LRRC4C: variants seen among roughly 807,000 people sequenced by gnomAD.
LRRC4C encodes the protein leucine rich repeat containing 4C.
Under a neutral mutation model 33.6 loss-of-function variants are expected in LRRC4C, and 5 were observed. That is an observed-to-expected ratio of 0.15 (90% CI 0.08 to 0.31). LRRC4C has a LOEUF of 0.31. LRRC4C is among the 10% of genes least tolerant of loss of function. The probability of loss-of-function intolerance (pLI) is 1.00; values close to 1 mark genes in which losing one functional copy is unlikely to be tolerated. For synonymous variants in LRRC4C, 329 were observed against 302.0 expected, an observed-to-expected ratio of 1.09 and a Z score of -0.93; for missense variants, 560 against 796.7, an observed-to-expected ratio of 0.70 and a Z score of 3.58.
chr11:41,035,154 C>T lies in LRRC4C; in HGVS notation c.-495-101431G>A, dbSNP rs527492157. On this transcript the variant is annotated intron_variant, in intron 1 of 6. Coordinates refer to ENST00000528697, the MANE Select transcript of LRRC4C (RefSeq NM_001258419.2). ...GCAGCGAGCCGATATTGTGCCACTG[C>T]ACTCCAGCCTGGGCGACAGAATGAG... Among the ~76,000 whole-genome samples, 6 of 151,238 alleles carry T rather than the reference C, an allele frequency of 4.0e-5. No homozygotes were observed. The South Asian group carries it at 1.0e-3, about 26-fold the overall frequency.
chr11:40,741,892 A>T (rs1473339756), intron 2 of LRRC4C, among the ~76,000 whole-genome samples: 3 of 152,094 alleles, frequency 2.0e-5, no homozygotes, highest in Non-Finnish European at 2.9e-5. Context: ...CATGATAGCC[A>T]AAGATAGAAT....
intron 2 of LRRC4C, among the ~76,000 whole-genome samples, chr11:40,872,567 A>G (rs1359138938): frequency 6.6e-6 from 1 of 152,032 alleles, no homozygotes; most frequent in Non-Finnish European, 1.5e-5. Flanking sequence ...AAAGACCACT[A>G]CTTTGATATT....
At chr11:41,097,655 C>A (rs971251775) in intron 1 of LRRC4C, among the ~76,000 whole-genome samples, 1 of 152,118 alleles carries the variant, frequency 6.6e-6, no homozygotes, top group Non-Finnish European at 1.5e-5. Context: ...CTACCAGGAC[C>A]AATTTTATCA....
At chr11:40,448,581 C>T (rs1221673201) in intron 3 of LRRC4C, among the ~76,000 whole-genome samples, 2 of 152,172 alleles carry the variant, frequency 1.3e-5, no homozygotes, top group Non-Finnish European at 2.9e-5. Flanking sequence ...GACATGAACT[C>T]ATCCTTTTTT....
At chr11:40,967,002 T>A (rs1367578478) in intron 1 of LRRC4C, among the ~76,000 whole-genome samples, 1 of 152,028 alleles carries the variant, frequency 6.6e-6, no homozygotes, top group Non-Finnish European at 1.5e-5. Context: ...AGTAGAGATA[T>A]CACCTACGAT....
At chr11:40,310,964 T>A (rs1257854981) in intron 4 of LRRC4C, among the ~76,000 whole-genome samples, 1 of 152,226 alleles carries the variant, frequency 6.6e-6, no homozygotes, top group Non-Finnish European at 1.5e-5. Flanking sequence ...ATGGCTCACC[T>A]GAGGTGGTTC....
At chr11:41,031,098 C>G (rs149536805) in intron 1 of LRRC4C, among the ~76,000 whole-genome samples, 23 of 151,934 alleles carry the variant, frequency 1.5e-4, no homozygotes, top group Non-Finnish European at 2.6e-4. Context: ...AAAACTCATG[C>G]TATTGCTTTC....
intron 5 of LRRC4C, among the ~76,000 whole-genome samples, chr11:40,149,855 T>C (rs531486749): frequency 1.6e-3 from 238 of 152,228 alleles, no homozygotes; most frequent in African/African-American, 5.6e-3. Flanking sequence ...CTAGTAGACA[T>C]AACAGGGGCA....
chr11:40,309,227 A>G (rs117796954), intron 4 of LRRC4C, among the ~76,000 whole-genome samples: 18 of 152,254 alleles, frequency 1.2e-4, no homozygotes, highest in Non-Finnish European at 2.5e-4. Flanking sequence ...ATTTCTATAG[A>G]TTTGCTTATT....
chr11:41,078,118 T>C (rs1056454478), intron 1 of LRRC4C, among the ~76,000 whole-genome samples: 1 of 152,212 alleles, frequency 6.6e-6, no homozygotes, highest in African/African-American at 2.4e-5. Context: ...CTGGACTTTA[T>C]TTTCCCTATC....
At chr11:40,214,386 A>AT (rs956196321) in intron 5 of LRRC4C, among the ~76,000 whole-genome samples, 3 of 151,950 alleles carry the variant, frequency 2.0e-5, no homozygotes. Context: ...TCCCTATTAC[A>AT]TATTTCTTTT....
intron 2 of LRRC4C, among the ~76,000 whole-genome samples, chr11:40,807,159 C>G (rs181755100): frequency 3.3e-5 from 5 of 152,252 alleles, no homozygotes; most frequent in African/African-American, 1.2e-4. Context: ...TACTCCTCAC[C>G]CCCACACAGT....
chr11:40,275,107 T>C (rs944676688), intron 4 of LRRC4C, among the ~76,000 whole-genome samples: 1 of 152,146 alleles, frequency 6.6e-6, no homozygotes, highest in African/African-American at 2.4e-5. Flanking sequence ...TCATTCACCT[T>C]TAACAAGAGG....
At chr11:40,762,690 A>G (rs575552520) in intron 2 of LRRC4C, among the ~76,000 whole-genome samples, 1 of 152,172 alleles carries the variant, frequency 6.6e-6, no homozygotes, top group Admixed American at 6.5e-5. Context: ...AAAGAAGGAG[A>G]TATGAGAAGT....
At chr11:40,542,066 C>CTTTCTTTCTT (rs1246013641) in intron 3 of LRRC4C, among the ~76,000 whole-genome samples, 2 of 150,412 alleles carry the variant, frequency 1.3e-5, no homozygotes, top group East Asian at 2.0e-4. Context: ...TTCTTTCTTT[C>CTTTCTTTCTT]TCTCTCTCTT....
chr11:40,616,083 T>C (rs2135921125), intron 3 of LRRC4C, among the ~76,000 whole-genome samples: 1 of 151,958 alleles, frequency 6.6e-6, no homozygotes, highest in Non-Finnish European at 1.5e-5. Flanking sequence ...AACAACCCCA[T>C]CAAAAAGTGG....
intron 1 of LRRC4C, among the ~76,000 whole-genome samples, chr11:41,263,037 A>G (rs1949033625): frequency 6.6e-6 from 1 of 152,164 alleles, no homozygotes; most frequent in East Asian, 1.9e-4. Flanking sequence ...AACGACAACA[A>G]GCTACCATGT....
rs1221534800 is a variant in LRRC4C, at chr11:41,134,092, TTTATTTAC to T, written c.-495-200377_-495-200370del. On this transcript the variant is annotated intron_variant, in intron 1 of 6. Coordinates refer to ENST00000528697, the MANE Select transcript of LRRC4C (RefSeq NM_001258419.2). ...GGCTCAGAATAAATTGCTTTATTTA[TTTATTTAC>T]TTATTTACTTATTTTGAGGTGGGGT... Among the ~76,000 whole-genome samples the T allele has an allele frequency of 5.3e-5, 8 of 152,282 alleles. No homozygotes were observed. In the East Asian group the frequency reaches 5.8e-4, roughly 11 times the overall value.
At chr11:40,700,047 G>A (rs1945789881) in intron 2 of LRRC4C, among the ~76,000 whole-genome samples, 1 of 152,074 alleles carries the variant, frequency 6.6e-6, no homozygotes, top group African/African-American at 2.4e-5. Context: ...CATCCTTTCA[G>A]CAAACATTCC....
Sources: allele counts gnomAD v4.1 joint callset (sites outside exome capture counted in the v4.1 genomes callset), GRCh38; gene constraint gnomAD v4.1.1; transcripts MANE v1.5; gene names NCBI Gene and HGNC (gene_info 2026-07-23, HGNC 2026-07-21).